YTHDF2: variants seen among roughly 807,000 people sequenced by gnomAD.
YTHDF2 encodes YTH N6-methyladenosine RNA binding protein F2.
YTHDF2 carries 2 observed loss-of-function variants against 50.4 expected under a neutral mutation model. The observed-to-expected ratio is 0.04, with a 90% CI of 0.02 to 0.12. YTHDF2 has a LOEUF of 0.12. Among genes scored for constraint, YTHDF2 ranks in the 10% least tolerant of loss-of-function variants. The pLI is 1.00. For synonymous variants in YTHDF2, 217 were observed against 255.6 expected (o/e 0.85, Z 1.44); for missense variants, 483 against 722.6 (o/e 0.67, Z 3.80).
rs940238934 is a variant in YTHDF2 at position 28,737,824 on chromosome 1, C to A, written c.52+142C>A. On this transcript the variant is annotated intron_variant, in intron 2 of 4. Coordinates refer to ENST00000373812, the MANE Select transcript of YTHDF2 (RefSeq NM_016258.3). Reference sequence around the variant, plus strand: ...TGCCGCACACTTAAGTATTTTGACCCTTTCGGTGTGTTCTTGCAGCTGGCG... The same window carrying A: ...TGCCGCACACTTAAGTATTTTGACCATTTCGGTGTGTTCTTGCAGCTGGCG... 5.9e-5 allele frequency: 57 copies of A among 958,370 alleles called. No homozygotes were observed. In the Admixed American group the frequency reaches 1.3e-3, roughly 22 times the overall value. 59.4% of individuals were successfully genotyped at this position (958,370 alleles called of 1,614,324 possible).
intron 4 of YTHDF2, among the ~76,000 whole-genome samples, chr1:28,763,068 C>A (rs185474073): frequency 3.4e-3 from 519 of 152,260 alleles, no homozygotes; most frequent in South Asian, 5.0e-3. Context: ...CTCAAGTGAT[C>A]CACCTGCCTC....
At chr1:28,767,539 C>T (rs542877636) in intron 4 of YTHDF2, among the ~76,000 whole-genome samples, 145 of 152,028 alleles carry the variant, frequency 9.5e-4, no homozygotes, top group African/African-American at 3.3e-3. Context: ...GATAGAGTCT[C>T]GCTTTGTCGC....
chr1:28,768,796 C>A (rs1488547566), intron 4 of YTHDF2, 133 bp from the exon 5 acceptor site: 6 of 662,506 alleles, frequency 9.1e-6, no homozygotes, highest in Non-Finnish European at 1.4e-5. Context: ...GGGGAATGTT[C>A]TACTTAGAAT....
chr1:28,742,349 A>G (rs2087789854), intron 3 of YTHDF2, 54 bp from the exon 4 acceptor site: 5 of 1,518,866 alleles, frequency 3.3e-6, no homozygotes, highest in Non-Finnish European at 4.4e-6. Flanking sequence ...GGGGGAGGAA[A>G]TAGCCTGATG....
chr1:28,747,851 C>T (rs933150524), intron 4 of YTHDF2, among the ~76,000 whole-genome samples: 12 of 151,160 alleles, frequency 7.9e-5, no homozygotes, highest in Non-Finnish European at 1.3e-4. Context: ...ACTGGCCGGG[C>T]GCGGTGGCTC....
At chr1:28,744,987 G>A (rs1253511906) in intron 4 of YTHDF2, among the ~76,000 whole-genome samples, 1 of 152,194 alleles carries the variant, frequency 6.6e-6, no homozygotes, top group Non-Finnish European at 1.5e-5. Flanking sequence ...AATGTAGGAA[G>A]TAGGTGAAAA....
chr1:28,738,738 C>T (rs929990634), intron 3 of YTHDF2, among the ~76,000 whole-genome samples: 2 of 152,186 alleles, frequency 1.3e-5, no homozygotes, highest in Non-Finnish European at 2.9e-5. Context: ...CACGCCTAGC[C>T]GAGGATTCAC....
rs150144810 is a variant in YTHDF2 at position 28,763,396 on chromosome 1, C to T, written c.1717-5533C>T. On this transcript the variant is annotated intron_variant, in intron 4 of 4. Transcript: ENST00000373812. ...TCAAACAATTCTCCTGCCTCAGCCTCCTGAGTAGCTGGGATTATAGGTGCC... is the reference window on the plus strand; with the variant it reads ...TCAAACAATTCTCCTGCCTCAGCCTTCTGAGTAGCTGGGATTATAGGTGCC... Among the ~76,000 whole-genome samples the T allele has an allele frequency of 3.4e-3, 511 of 152,220 alleles. 6 individuals are homozygous for T. The highest frequency in any genetic ancestry group is 0.012 in the African/African-American group (493 of 41,540).
intron 4 of YTHDF2, among the ~76,000 whole-genome samples, chr1:28,756,848 T>G (rs552534593): frequency 6.6e-6 from 1 of 152,294 alleles, no homozygotes; most frequent in South Asian, 2.1e-4. Context: ...GTTCTTATAG[T>G]TCCTTAGGAG....
At chr1:28,757,266 CAA>C (rs1384951680) in intron 4 of YTHDF2, among the ~76,000 whole-genome samples, 5 of 152,088 alleles carry the variant, frequency 3.3e-5, no homozygotes, top group African/African-American at 1.2e-4. Context: ...AGAAAAATAG[CAA>C]AATCAGTTAG....
At chr1:28,755,526 CAT>C (rs1339350326) in intron 4 of YTHDF2, among the ~76,000 whole-genome samples, 1 of 152,096 alleles carries the variant, frequency 6.6e-6, no homozygotes, top group Non-Finnish European at 1.5e-5. Flanking sequence ...TGCAAAGGCA[CAT>C]GAGATACGAA....
At chr1:28,745,460 G>A (rs985546392) in intron 4 of YTHDF2, among the ~76,000 whole-genome samples, 6 of 152,180 alleles carry the variant, frequency 3.9e-5, no homozygotes, top group Non-Finnish European at 5.9e-5. Context: ...TAAGCCTGGC[G>A]TCATGGCTCA....
chr1:28,744,009 G>C (rs771415975), intron 4 of YTHDF2, 23 bp downstream of exon 4: 25 of 1,516,890 alleles, frequency 1.6e-5, no homozygotes, highest in Non-Finnish European at 2.1e-5. Context: ...TTCTTATTAA[G>C]ATTTTTAGGG....
chr1:28,764,436 A>G (rs76330597), intron 4 of YTHDF2, among the ~76,000 whole-genome samples: 4 of 148,362 alleles, frequency 2.7e-5, no homozygotes, highest in Non-Finnish European at 4.5e-5. Context: ...ACGCCCGGCT[A>G]ATTTTTTTTT....
At chr1:28,754,580 T>C (rs112082455) in intron 4 of YTHDF2, among the ~76,000 whole-genome samples, 6,173 of 149,652 alleles carry the variant, frequency 0.041, 405 homozygotes, top group African/African-American at 0.14. Flanking sequence ...TCCCAGCACT[T>C]TGGGAGGCTG....
intron 4 of YTHDF2, among the ~76,000 whole-genome samples, chr1:28,752,760 T>G (rs1266451983): frequency 1.3e-5 from 2 of 152,024 alleles, no homozygotes; most frequent in Non-Finnish European, 2.9e-5. Flanking sequence ...ACACAAAAAT[T>G]TGTCCTGCAC....
At position 28,755,358 on chromosome 1, in the gene YTHDF2, A is replaced by G. The variant is rs1168658527; in HGVS notation, c.1716+11372A>G. ...AAAGATTCTTGTAATAAGAATGGCT[A>G]ACAGTTATTGAATGCTCTGTACAGT... On this transcript the variant is annotated intron_variant, in intron 4 of 4. Transcript: ENST00000373812. Among the ~76,000 whole-genome samples the G allele has an allele frequency of 3.3e-5, 5 of 152,216 alleles. 1 individual carries two copies. The highest frequency in any genetic ancestry group is 3.3e-4 in the Admixed American group (5 of 15,276).
chr1:28,760,721 C>T (rs1032971540), intron 4 of YTHDF2, among the ~76,000 whole-genome samples: 5 of 152,062 alleles, frequency 3.3e-5, no homozygotes, highest in East Asian at 3.9e-4. Flanking sequence ...GCTGGGACTA[C>T]AGCCGCGTGC....
rs56879000 is a variant in YTHDF2 at position 28,752,296 on chromosome 1, TTTG to T, written c.1716+8325_1716+8327del. Among the ~76,000 whole-genome samples, 610 of 151,406 alleles carry T rather than the reference TTTG, an allele frequency of 4.0e-3. 6 individuals carry two copies. Among genetic ancestry groups the T allele is most frequent in the African/African-American group, 0.013 (523 of 41,218 alleles). ...GTAATCTGAAATCAGCTGTGGTGTT[TTTG>T]TTGTTGTTGTTGTTTTTGAGACGGA... On this transcript the variant is annotated intron_variant, in intron 4 of 4. Coordinates refer to ENST00000373812, the MANE Select transcript of YTHDF2 (RefSeq NM_016258.3).
Sources: gnomAD v4.1 joint callset for allele counts (sites outside exome capture counted in the v4.1 genomes callset) on GRCh38, gnomAD v4.1.1 for gene constraint, MANE v1.5 for transcripts, NCBI Gene and HGNC (gene_info 2026-07-23, HGNC 2026-07-21) for gene names.